The following L3MBTL4 variants were observed in gnomAD, a reference collection of about 807,000 sequenced individuals.
The protein encoded by L3MBTL4 is lethal(3)malignant brain tumor-like protein 4.
Under a neutral mutation model 84.5 loss-of-function variants are expected in L3MBTL4, and 70 were observed. The observed-to-expected ratio is 0.83, with a 90% CI of 0.68 to 1.01. The LOEUF (loss-of-function observed/expected upper bound fraction) is 1.01, where lower values mean the gene tolerates loss of function less well. Ranked by LOEUF, L3MBTL4 falls within the 50% of genes least tolerant of loss-of-function variation. The pLI is 0.00. For missense variants in L3MBTL4, 715 were observed against 754.8 expected (o/e 0.95, Z 0.62); for synonymous variants, 274 against 259.8 (o/e 1.05, Z -0.52).
At chr18:6,168,407 A>G (rs1672561289) in intron 13 of L3MBTL4, among the ~76,000 whole-genome samples, 2 of 151,824 alleles carry the variant, frequency 1.3e-5, no homozygotes, top group African/African-American at 2.4e-5. Context: ...TGGAGGCATC[A>G]CACTACCTGA....
At chr18:6,314,139 T>A (rs2050975383) in intron 1 of L3MBTL4, among the ~76,000 whole-genome samples, 1 of 152,188 alleles carries the variant, frequency 6.6e-6, no homozygotes, top group African/African-American at 2.4e-5. Flanking sequence ...TCCTTTATAA[T>A]GTCAATGCAA....
intron 12 of L3MBTL4, among the ~76,000 whole-genome samples, chr18:6,188,766 A>G (rs983445101): frequency 1.3e-5 from 2 of 152,222 alleles, no homozygotes; most frequent in Non-Finnish European, 2.9e-5. Context: ...TTGAGTGCTT[A>G]CCAGCACAGA....
At chr18:5,963,748 A>G (rs2052185682) in intron 17 of L3MBTL4, among the ~76,000 whole-genome samples, 1 of 152,250 alleles carries the variant, frequency 6.6e-6, no homozygotes, top group African/African-American at 2.4e-5. Context: ...AAGTTCTGCC[A>G]CAGATTTTCT....
intron 14 of L3MBTL4, among the ~76,000 whole-genome samples, chr18:6,095,229 G>A (rs574575497): frequency 6.6e-6 from 1 of 152,154 alleles, no homozygotes; most frequent in African/African-American, 2.4e-5. Flanking sequence ...TTACTGGTAA[G>A]ACAACAGGCT....
intron 16 of L3MBTL4, among the ~76,000 whole-genome samples, chr18:6,018,253 C>T (rs1374761202): frequency 6.6e-6 from 1 of 152,036 alleles, no homozygotes; most frequent in Non-Finnish European, 1.5e-5. Context: ...ACAGTGACTC[C>T]CAACCATACC....
intron 14 of L3MBTL4, among the ~76,000 whole-genome samples, chr18:6,107,351 C>T (rs762346296): frequency 2.0e-5 from 3 of 152,084 alleles, no homozygotes; most frequent in Non-Finnish European, 4.4e-5. Context: ...GCTAGGAGCT[C>T]AACTGATCAC....
intron 13 of L3MBTL4, among the ~76,000 whole-genome samples, chr18:6,139,414 C>T (rs2060128180): frequency 6.6e-6 from 1 of 152,064 alleles, no homozygotes; most frequent in African/African-American, 2.4e-5. Flanking sequence ...AGGCAGTCTA[C>T]ATCTCAATAT....
chr18:6,291,183 T>C (rs536609241), intron 4 of L3MBTL4, among the ~76,000 whole-genome samples: 2 of 152,168 alleles, frequency 1.3e-5, no homozygotes, highest in Non-Finnish European at 2.9e-5. Flanking sequence ...AAAATAATGC[T>C]GCAATTAAAA....
At chr18:6,070,740 A>G (rs1306220585) in intron 16 of L3MBTL4, among the ~76,000 whole-genome samples, 1 of 152,166 alleles carries the variant, frequency 6.6e-6, no homozygotes, top group Admixed American at 6.5e-5. Context: ...CCAGAGGCTG[A>G]GGTGGGAGGA....
chr18:6,252,696 C>T (rs1275548402), intron 5 of L3MBTL4, among the ~76,000 whole-genome samples: 1 of 152,158 alleles, frequency 6.6e-6, no homozygotes, highest in African/African-American at 2.4e-5. Flanking sequence ...ACTCATATGT[C>T]CTGCTAAGAA....
intron 1 of L3MBTL4, among the ~76,000 whole-genome samples, chr18:6,347,347 C>A (rs11875989): frequency 0.2 from 29,584 of 149,866 alleles, 3,645 homozygotes; most frequent in African/African-American, 0.36. Context: ...TTCTTACCCC[C>A]AAAAAAGAAG....
Position 6,275,885 on chromosome 18 carries a change from A to C in L3MBTL4, c.128-11847T>G, listed in dbSNP as rs454126. On this transcript the variant is annotated intron_variant, in intron 4 of 18. Coordinates refer to ENST00000317931, the MANE Select transcript of L3MBTL4 (RefSeq NM_001330559.2). ...ACCCCACAATCACTAAGCCAAAGGG[A>C]AAGGTCAAGCTGGGAACTGCTTAGG... Among the ~76,000 whole-genome samples, 1,500 of 152,336 alleles carry C rather than the reference A, an allele frequency of 9.8e-3. 36 individuals are homozygous for C. The highest frequency in any genetic ancestry group is 0.034 in the African/African-American group (1,395 of 41,576).
intron 14 of L3MBTL4, among the ~76,000 whole-genome samples, chr18:6,104,227 T>C (rs1160266224): frequency 6.6e-6 from 1 of 152,204 alleles, no homozygotes; most frequent in Non-Finnish European, 1.5e-5. Context: ...CTTCTGGATA[T>C]TTATCCAAAA....
intron 3 of L3MBTL4, among the ~76,000 whole-genome samples, chr18:6,305,634 T>C (rs2050550436): frequency 6.6e-6 from 1 of 152,214 alleles, no homozygotes; most frequent in African/African-American, 2.4e-5. Context: ...AAAATAGCGT[T>C]CTGAAAAACA....
intron 14 of L3MBTL4, among the ~76,000 whole-genome samples, chr18:6,103,450 T>TA (rs995869059): frequency 2.6e-5 from 4 of 152,204 alleles, no homozygotes; most frequent in African/African-American, 7.2e-5. Flanking sequence ...TCCTCTTTTT[T>TA]AAAAAAATGC....
At chr18:6,046,292 T>C (rs561594925) in intron 16 of L3MBTL4, among the ~76,000 whole-genome samples, 1 of 152,216 alleles carries the variant, frequency 6.6e-6, no homozygotes, top group African/African-American at 2.4e-5. Context: ...ACTTACACCA[T>C]CCCACAATAG....
intron 13 of L3MBTL4, among the ~76,000 whole-genome samples, chr18:6,144,965 T>C (rs1261216247): frequency 6.6e-6 from 1 of 152,222 alleles, no homozygotes; most frequent in Non-Finnish European, 1.5e-5. Context: ...CAGTGATCTG[T>C]CATGCAAGAA....
intron 1 of L3MBTL4, among the ~76,000 whole-genome samples, chr18:6,373,457 C>T (rs2054241913): frequency 6.6e-6 from 1 of 152,168 alleles, no homozygotes; most frequent in African/African-American, 2.4e-5. Flanking sequence ...TCTAGCTGAT[C>T]TGCTGTAGGG....
At chr18:6,149,135 T>C (rs2042777958) in intron 13 of L3MBTL4, among the ~76,000 whole-genome samples, 1 of 151,866 alleles carries the variant, frequency 6.6e-6, no homozygotes, top group Admixed American at 6.6e-5. Flanking sequence ...GCCATGTTGG[T>C]GTGCCGCACC....
Sources: allele counts gnomAD v4.1 joint callset (sites outside exome capture counted in the v4.1 genomes callset), GRCh38; gene constraint gnomAD v4.1.1; transcripts MANE v1.5; gene names NCBI Gene and HGNC (gene_info 2026-07-23, HGNC 2026-07-21).